Variants in STAB2 observed in about 807,000 individuals in gnomAD.
STAB2 encodes the protein stabilin-2.
In STAB2, 288 loss-of-function variants were observed where a neutral mutation model predicts 338.1. The ratio of observed to expected loss-of-function variants is 0.85; its 90% CI spans 0.77 to 0.94. STAB2 has a LOEUF of 0.94. Among genes scored for constraint, STAB2 ranks in the 40% least tolerant of loss-of-function variants. STAB2 has a pLI of 0.00. For missense variants in STAB2, 3,141 were observed against 3,210.1 expected (o/e 0.98, Z 0.52); for synonymous variants, 1,202 against 1,193.3 (o/e 1.01, Z -0.15).
chr12:103,682,615 TTC>T (rs1877021572), intron 25 of STAB2, among the ~76,000 whole-genome samples: 1 of 152,202 alleles, frequency 6.6e-6, no homozygotes, highest in Non-Finnish European at 1.5e-5. Context: ...AGGGCCCAAG[TTC>T]TCTCTGAGAC....
chr12:103,692,767 G>A lies in STAB2; in HGVS notation c.3298-45G>A, dbSNP rs760184924. On this transcript the variant is annotated intron_variant, in intron 30 of 68. Coordinates refer to ENST00000388887, the MANE Select transcript of STAB2 (RefSeq NM_017564.10). ...CCAGAGATCATCTCAATCCCAAGGT[G>A]CGCTCTATAAAGACTCATCTTCCCA... is the stretch of plus-strand genomic sequence containing the variant. 1.1e-5 allele frequency: 17 copies of A among 1,517,112 alleles called. 1 individual carries two copies. The Admixed American group carries it at 2.6e-4, about 23-fold the overall frequency. 94.0% of individuals were successfully genotyped at this position (1,517,112 alleles called of 1,614,324 possible).
In STAB2 at chr12:103,668,661, T is replaced by C; in HGVS notation, c.2104T>C (p.Cys702Arg). The C allele has an allele frequency of 6.4e-7, 1 of 1,552,088 alleles. No individual in the cohort carries two copies. The highest frequency in any genetic ancestry group is 1.2e-5 in the South Asian group (1 of 84,094). ...TCTCCAGGCACTCTTCACACACAGA[T>C]GTGTCTACAGTGGCAGGTTTGGGAG... Reference protein sequence around the residue: ...SEPTALFTHRCVYSGRFGSLK... With the variant: ...SEPTALFTHRRVYSGRFGSLK... Residue 702 changes from cysteine to arginine, a missense_variant, in exon 20 of 69, where the codon TGT becomes CGT. Transcript: ENST00000388887.
intron 1 of STAB2, among the ~76,000 whole-genome samples, chr12:103,588,692 G>T (rs1353980382): frequency 6.6e-6 from 1 of 152,028 alleles, no homozygotes; most frequent in Admixed American, 6.6e-5. Context: ...TTAAGAAGAG[G>T]GTTTTAAATC....
intron 66 of STAB2, 29 bp downstream of exon 66, chr12:103,761,439 C>G (rs752702292): frequency 6.3e-7 from 1 of 1,594,988 alleles, no homozygotes; most frequent in Admixed American, 1.7e-5. Flanking sequence ...TGATAACGGG[C>G]CAGGAGGAGC....
At chr12:103,599,727 T>C (rs1956927385) in intron 3 of STAB2, among the ~76,000 whole-genome samples, 1 of 152,226 alleles carries the variant, frequency 6.6e-6, no homozygotes, top group South Asian at 2.1e-4. Context: ...TTCCTCATGA[T>C]GCTAACACAC....
intron 9 of STAB2, among the ~76,000 whole-genome samples, chr12:103,648,191 G>A (rs1325624481): frequency 6.6e-6 from 1 of 152,154 alleles, no homozygotes; most frequent in Non-Finnish European, 1.5e-5. Flanking sequence ...GAAAGAGACA[G>A]GCAATCAAGG....
intron 3 of STAB2, among the ~76,000 whole-genome samples, chr12:103,598,917 A>C (rs1956916085): frequency 6.6e-6 from 1 of 152,216 alleles, no homozygotes; most frequent in South Asian, 2.1e-4. Flanking sequence ...AGGGAAATTG[A>C]CATGGGAGCA....
chr12:103,637,200 C>T lies in STAB2; in HGVS notation c.673C>T (p.Leu225Phe), dbSNP rs1299676082. 6 of 1,612,476 alleles carry T rather than the reference C, an allele frequency of 3.7e-6. No homozygotes were observed. The highest frequency in any genetic ancestry group is 1.7e-4 in the Middle Eastern group (1 of 6,060). ...TGAAAACAAACTGGAATGCAAATGC[C>T]TTCCCAATTACCGAGGCGATGGCAA... ...EDENKLECKC[L>F]PNYRGDGKYC... is the part of the protein sequence containing the mutation. The change falls in exon 7 of 69, where the codon CTT becomes TTT. Residue 225 changes from leucine (L) to phenylalanine (F), a missense_variant. By Grantham distance (22) the Leu-to-Phe change is conservative. Transcript: ENST00000388887.
intron 22 of STAB2, 65 bp downstream of exon 22, chr12:103,670,872 G>A (rs1593210824): frequency 2.2e-6 from 3 of 1,361,806 alleles, no homozygotes; most frequent in South Asian, 2.5e-5. Context: ...CTGCAGCAGG[G>A]TGCTGGTGCA....
chr12:103,737,574 T>G, intron 52 of STAB2, 60 bp from the exon 53 acceptor site: 20 of 1,015,844 alleles, frequency 2.0e-5, no homozygotes, highest in East Asian at 6.6e-5. Flanking sequence ...GATTGACTGT[T>G]TCTCTCTCTC....
At chr12:103,590,771 T>G in intron 1 of STAB2, 126 bp from the exon 2 acceptor site, 1 of 1,152,762 alleles carries the variant, frequency 8.7e-7, no homozygotes, top group Non-Finnish European at 1.3e-6. Flanking sequence ...CAATCAACCT[T>G]ATCACCATCC....
chr12:103,614,249 G>A (rs931474933), intron 3 of STAB2, among the ~76,000 whole-genome samples: 11 of 152,278 alleles, frequency 7.2e-5, no homozygotes, highest in South Asian at 4.1e-4. Context: ...ATTTTGAGGT[G>A]TACCCTGTGT....
intron 61 of STAB2, chr12:103,755,025 G>A: frequency 2.5e-6 from 1 of 406,628 alleles, no homozygotes; most frequent in Non-Finnish European, 4.5e-6. Flanking sequence ...TAGTATCAAT[G>A]GATGACAGCA....
At chr12:103,700,634 G>C (rs143221966) in intron 34 of STAB2, among the ~76,000 whole-genome samples, 4 of 152,060 alleles carry the variant, frequency 2.6e-5, no homozygotes, top group African/African-American at 9.7e-5. Flanking sequence ...ACAGAGCTTC[G>C]TTTTTGCTTC....
At chr12:103,635,940 G>A (rs1247402091) in intron 6 of STAB2, among the ~76,000 whole-genome samples, 6 of 152,178 alleles carry the variant, frequency 3.9e-5, no homozygotes, top group African/African-American at 1.4e-4. Flanking sequence ...TTTTCCAGTG[G>A]TATTCAGATC....
Position 103,763,518 on chromosome 12 carries a change from T to A in STAB2, c.7515T>A (p.Ala2505=). The change falls in exon 68 of 69, where the codon GCT becomes GCA. Residue 2505 remains alanine (A), a synonymous_variant. Transcript: ENST00000388887. The part of the protein sequence containing the change: ...FESEEDINVA[A]LGKQQPENIS... ...CGGAAGAGGACATTAATGTTGCAGCTCTTGGCAAGCAGCAGCCTGAGAATA... is the reference window on the plus strand; with the variant it reads ...CGGAAGAGGACATTAATGTTGCAGCACTTGGCAAGCAGCAGCCTGAGAATA... 1 of 1,614,104 alleles carries A rather than the reference T, an allele frequency of 6.2e-7. No individual in the cohort carries two copies. Among genetic ancestry groups the A allele is most frequent in the Non-Finnish European group, 8.5e-7 (1 of 1,180,000 alleles).
chr12:103,623,268 G>A (rs1354251290), intron 5 of STAB2, among the ~76,000 whole-genome samples: 1 of 152,142 alleles, frequency 6.6e-6, no homozygotes, highest in Non-Finnish European at 1.5e-5. Context: ...GCCATAGTGT[G>A]GTGGGCAGAA....
At chr12:103,760,978 G>A (rs1354739313) in intron 65 of STAB2, among the ~76,000 whole-genome samples, 2 of 137,178 alleles carry the variant, frequency 1.5e-5, no homozygotes. Context: ...GTGCATGGAC[G>A]CAGCGTCCAC....
At chr12:103,747,840 CA>C (rs1156554866) in intron 58 of STAB2, among the ~76,000 whole-genome samples, 1 of 151,930 alleles carries the variant, frequency 6.6e-6, no homozygotes, top group Non-Finnish European at 1.5e-5. Flanking sequence ...ACTAAATCTA[CA>C]AAAATTAGCC....
Sources: gnomAD v4.1 joint callset for allele counts (sites outside exome capture counted in the v4.1 genomes callset) on GRCh38, gnomAD v4.1.1 for gene constraint, MANE v1.5 for transcripts, NCBI Gene and HGNC (gene_info 2026-07-23, HGNC 2026-07-21) for gene names.